The following FARP2 variants were observed in gnomAD, a reference collection of about 807,000 sequenced individuals.
The protein encoded by FARP2 is FERM, ARHGEF and pleckstrin domain-containing protein 2.
A neutral mutation model predicts 130.5 loss-of-function variants in FARP2; 111 were observed. That is an observed-to-expected ratio of 0.85 (90% confidence interval 0.73 to 1.00). The LOEUF (loss-of-function observed/expected upper bound fraction) is 1.00, where lower values mean the gene tolerates loss of function less well. Ranked by LOEUF, FARP2 falls within the 50% of genes least tolerant of loss-of-function variation. The probability of loss-of-function intolerance (pLI) is 0.00; values close to 1 mark genes in which losing one functional copy is unlikely to be tolerated. For synonymous variants in FARP2, 504 were observed against 516.9 expected, an observed-to-expected ratio of 0.98 and a Z score of 0.34; for missense variants, 1,385 against 1,346.3, an observed-to-expected ratio of 1.03 and a Z score of -0.45.
At chr2:241,412,460 A>G (rs2062545553) in intron 6 of FARP2, among the ~76,000 whole-genome samples, 1 of 152,210 alleles carries the variant, frequency 6.6e-6, no homozygotes, top group Admixed American at 6.5e-5. Flanking sequence ...AAATGGCTCA[A>G]AGGAGAAAAA....
chr2:241,455,452 C>T (rs182855858), intron 13 of FARP2, among the ~76,000 whole-genome samples: 26 of 152,350 alleles, frequency 1.7e-4, no homozygotes, highest in Admixed American at 1.6e-3. Flanking sequence ...ACAACCTCAG[C>T]TCACTGCAAC....
intron 11 of FARP2, among the ~76,000 whole-genome samples, chr2:241,435,265 T>A (rs930518276): frequency 1.3e-5 from 2 of 150,894 alleles, no homozygotes; most frequent in Admixed American, 1.3e-4. Context: ...TGGCTAGTTT[T>A]TTTTGTTTTT....
chr2:241,392,949 GA>G (rs577909105), intron 2 of FARP2, among the ~76,000 whole-genome samples: 35 of 136,996 alleles, frequency 2.6e-4, no homozygotes, highest in South Asian at 4.7e-4. Context: ...TCTCAAAAAA[GA>G]AAAAAAAAAA....
intron 19 of FARP2, among the ~76,000 whole-genome samples, chr2:241,479,370 G>A (rs371272890): frequency 2.9e-4 from 44 of 152,316 alleles, no homozygotes; most frequent in African/African-American, 1.0e-3. Flanking sequence ...CGGCCTCATC[G>A]GCATCCAGCA....
intron 2 of FARP2, among the ~76,000 whole-genome samples, chr2:241,396,436 C>T (rs570617173): frequency 6.6e-6 from 1 of 152,226 alleles, no homozygotes; most frequent in East Asian, 1.9e-4. Flanking sequence ...ACCTACTCAT[C>T]TGACAAAGGG....
At chr2:241,362,662 C>G (rs527240455) in intron 1 of FARP2, among the ~76,000 whole-genome samples, 1 of 152,142 alleles carries the variant, frequency 6.6e-6, no homozygotes, top group East Asian at 1.9e-4. Flanking sequence ...GCAAATACAA[C>G]TCTAAGGGGA....
At chr2:241,419,165 CA>C (rs1249015345) in intron 8 of FARP2, among the ~76,000 whole-genome samples, 1 of 152,114 alleles carries the variant, frequency 6.6e-6, no homozygotes, top group Non-Finnish European at 1.5e-5. Context: ...CATCAAGTTT[CA>C]ATTTCCTGTC....
intron 1 of FARP2, among the ~76,000 whole-genome samples, chr2:241,365,237 A>G (rs184345173): frequency 6.6e-6 from 1 of 152,350 alleles, no homozygotes; most frequent in Non-Finnish European, 1.5e-5. Context: ...TGTATACAGC[A>G]TCAATAATCA....
chr2:241,406,190 C>T (rs549509863), intron 4 of FARP2, among the ~76,000 whole-genome samples: 1 of 151,078 alleles, frequency 6.6e-6, no homozygotes, highest in South Asian at 2.1e-4. Flanking sequence ...CGCCTGTAGT[C>T]CCAGCTACTC....
At chr2:241,400,755 C>T (rs1379762482) in intron 2 of FARP2, among the ~76,000 whole-genome samples, 1 of 152,128 alleles carries the variant, frequency 6.6e-6, no homozygotes, top group Non-Finnish European at 1.5e-5. Flanking sequence ...CAGGGAGAGT[C>T]ATGAGGAGGA....
intron 9 of FARP2, among the ~76,000 whole-genome samples, chr2:241,433,191 A>G (rs976011501): frequency 6.6e-6 from 1 of 152,184 alleles, no homozygotes; most frequent in African/African-American, 2.4e-5. Context: ...CAAAGCAGCT[A>G]TTAACTTGAA....
At chr2:241,368,635 G>T (rs1375455121) in intron 1 of FARP2, among the ~76,000 whole-genome samples, 1 of 152,056 alleles carries the variant, frequency 6.6e-6, no homozygotes, top group Non-Finnish European at 1.5e-5. Flanking sequence ...TTCTATTAAT[G>T]TATTTTTTTA....
chr2:241,441,646 G>A, intron 13 of FARP2, 90 bp downstream of exon 13: 1 of 1,567,162 alleles, frequency 6.4e-7, no homozygotes, highest in Non-Finnish European at 8.8e-7. Flanking sequence ...CACAGGGAGG[G>A]CCGGTAGGGA....
chr2:241,378,759 T>C (rs375183421), intron 2 of FARP2, among the ~76,000 whole-genome samples: 103 of 152,176 alleles, frequency 6.8e-4, no homozygotes, highest in Non-Finnish European at 1.2e-3. Flanking sequence ...ATCTGTATGA[T>C]GTATTTAGGG....
intron 15 of FARP2, 68 bp from the exon 16 acceptor site, chr2:241,463,267 C>G: frequency 6.4e-7 from 1 of 1,567,902 alleles, no homozygotes; most frequent in South Asian, 1.2e-5. Flanking sequence ...GCTACAGGCC[C>G]TCAGGGGCAC....
chr2:241,486,287 C>CTTTTTTTTTTTTT (rs71406464), intron 21 of FARP2, among the ~76,000 whole-genome samples: 4 of 103,898 alleles, frequency 3.8e-5, no homozygotes, highest in Non-Finnish European at 3.7e-5. Context: ...CTCCAAAAAT[C>CTTTTTTTTTTTTT]TTTTTTTTTT....
chr2:241,392,425 C>T (rs923971546), intron 2 of FARP2, among the ~76,000 whole-genome samples: 2 of 152,168 alleles, frequency 1.3e-5, no homozygotes, highest in Non-Finnish European at 2.9e-5. Flanking sequence ...TTAACAGGTT[C>T]AAATTGGGGG....
Position 241,475,289 on chromosome 2 carries a change from G to A in FARP2, c.2132-568G>A, listed in dbSNP as rs1425869346. Among the ~76,000 whole-genome samples the A allele has an allele frequency of 2.6e-5, 4 of 152,180 alleles. No individual in the cohort carries two copies. Among genetic ancestry groups the A allele is most frequent in the Admixed American group, 2.0e-4 (3 of 15,282 alleles). On this transcript the variant is annotated intron_variant, in intron 18 of 26. Coordinates refer to ENST00000264042, the MANE Select transcript of FARP2 (RefSeq NM_014808.4). The surrounding 1 kb of genome is among the most constrained non-coding windows in gnomAD (Gnocchi z 4.4). The stretch of plus-strand genomic sequence containing the variant: ...CTCAGGGGTATCTGCAGGAGCAGGC[G>A]CCTGGTGGCTGCACATAGTAGGCAG...
intron 5 of FARP2, among the ~76,000 whole-genome samples, chr2:241,408,744 C>T (rs2062432001): frequency 6.6e-6 from 1 of 151,864 alleles, no homozygotes; most frequent in Non-Finnish European, 1.5e-5. Flanking sequence ...ACTTTTTTGC[C>T]TTCTGGCTAA....
Sources: gnomAD v4.1 joint callset for allele counts (sites outside exome capture counted in the v4.1 genomes callset) on GRCh38, gnomAD v4.1.1 for gene constraint, Gnocchi (gnomAD v3.1) non-coding constraint, MANE v1.5 for transcripts, NCBI Gene and HGNC (gene_info 2026-07-23, HGNC 2026-07-21) for gene names.